STAC: variants seen among roughly 807,000 people sequenced by gnomAD.
The protein encoded by STAC is SH3 and cysteine-rich domain-containing protein.
In STAC, 43 loss-of-function variants were observed where a neutral mutation model predicts 48.8. The observed-to-expected ratio is 0.88, with a 90% CI of 0.69 to 1.14. The LOEUF is 1.14. Ranked by LOEUF, STAC falls within the 50% of genes most tolerant of loss-of-function variation. The pLI, the probability that STAC is intolerant of heterozygous loss-of-function variation, is 0.00. For missense variants in STAC, 497 were observed against 504.0 expected (o/e 0.99, Z 0.13); for synonymous variants, 193 against 179.5 (o/e 1.07, Z -0.60).
intron 2 of STAC, among the ~76,000 whole-genome samples, chr3:36,468,678 C>T (rs1353001042): frequency 7.0e-6 from 1 of 143,562 alleles, no homozygotes; most frequent in Non-Finnish European, 1.6e-5. Context: ...GTGATACTTT[C>T]CTGTTGGACT....
In STAC at chr3:36,483,097, G is replaced by A; in HGVS notation, c.489+5G>A. The A allele has an allele frequency of 1.2e-6, 2 of 1,611,352 alleles. No homozygotes were observed. The highest frequency in any genetic ancestry group is 1.7e-6 in the Non-Finnish European group (2 of 1,177,566). On this transcript the variant is annotated splice_donor_5th_base_variant and intron_variant, in intron 3 of 10. Coordinates refer to ENST00000273183, the MANE Select transcript of STAC (RefSeq NM_003149.3). ...CAGCGGTGCATGGGCAAGCTGGTAA[G>A]GGCTTGTGCCAGGAGTGAGGCCCAC...
chr3:36,515,347 G>A (rs1451885389), intron 8 of STAC, among the ~76,000 whole-genome samples: 1 of 152,116 alleles, frequency 6.6e-6, no homozygotes, highest in Non-Finnish European at 1.5e-5. Context: ...ACAGGTCTCA[G>A]TCAATTTAGA....
intron 1 of STAC, among the ~76,000 whole-genome samples, chr3:36,388,530 A>G (rs528526598): frequency 6.6e-6 from 1 of 151,874 alleles, no homozygotes; most frequent in African/African-American, 2.4e-5. Flanking sequence ...CTTCTTTTCA[A>G]TTATATTTAG....
At chr3:36,515,508 A>G (rs1395771443) in intron 8 of STAC, among the ~76,000 whole-genome samples, 1 of 152,122 alleles carries the variant, frequency 6.6e-6, no homozygotes, top group African/African-American at 2.4e-5. Flanking sequence ...GAAAGAAAAA[A>G]AGTGGGGAGG....
intron 6 of STAC, among the ~76,000 whole-genome samples, chr3:36,503,272 T>C (rs906781220): frequency 6.6e-6 from 1 of 152,236 alleles, no homozygotes; most frequent in African/African-American, 2.4e-5. Context: ...AAAATACATA[T>C]GATGAGAATG....
chr3:36,492,672 T>G (rs1698023498), intron 5 of STAC, among the ~76,000 whole-genome samples: 1 of 152,212 alleles, frequency 6.6e-6, no homozygotes, highest in Non-Finnish European at 1.5e-5. Context: ...GGATACATAT[T>G]ATAAAAACAA....
intron 1 of STAC, among the ~76,000 whole-genome samples, chr3:36,433,166 T>G (rs1466748686): frequency 6.6e-6 from 1 of 151,942 alleles, no homozygotes; most frequent in African/African-American, 2.4e-5. Flanking sequence ...GAAGTTAAAG[T>G]TAGGTGAACC....
intron 8 of STAC, among the ~76,000 whole-genome samples, chr3:36,523,753 G>A (rs1322183301): frequency 2.6e-5 from 4 of 152,204 alleles, no homozygotes; most frequent in South Asian, 2.1e-4. Flanking sequence ...CTAACCTGGG[G>A]AAAGGAGAAT....
At chr3:36,445,475 G>C (rs1696482160) in intron 2 of STAC, among the ~76,000 whole-genome samples, 1 of 152,114 alleles carries the variant, frequency 6.6e-6, no homozygotes, top group Non-Finnish European at 1.5e-5. Context: ...GAAGGGAAGG[G>C]GAGAGAAAGA....
rs377600849 is a variant in STAC, at chr3:36,546,508, G to A, written c.*219G>A. 1.8e-6 allele frequency: 1 copy of A among 566,570 alleles called. No homozygotes were observed. The highest frequency in any genetic ancestry group is 3.1e-6 in the Non-Finnish European group (1 of 318,214). 35.1% of individuals were successfully genotyped at this position (566,570 alleles called of 1,614,324 possible). On this transcript the variant is annotated 3_prime_UTR_variant, in exon 11 of 11. Transcript: ENST00000273183. ...GCCACAGGTGGGGACGAGGCTGAGA[G>A]AGTCAGCAGGCAGAGCCAGATGCCA...
intron 1 of STAC, among the ~76,000 whole-genome samples, chr3:36,416,574 A>G (rs1272483940): frequency 6.6e-6 from 1 of 152,120 alleles, no homozygotes; most frequent in Non-Finnish European, 1.5e-5. Context: ...GGCTCTTTAT[A>G]TCAAGTCTTG....
intron 8 of STAC, among the ~76,000 whole-genome samples, chr3:36,506,982 AG>A (rs1297904810): frequency 6.6e-5 from 10 of 152,140 alleles, no homozygotes; most frequent in Admixed American, 2.0e-4. Context: ...GTGGTGAGAG[AG>A]GGCATCCTTG....
At chr3:36,386,378 A>C (rs1030737728) in intron 1 of STAC, among the ~76,000 whole-genome samples, 2 of 150,950 alleles carry the variant, frequency 1.3e-5, no homozygotes, top group Admixed American at 6.6e-5. Flanking sequence ...TGAGAGAAAA[A>C]ATGTATTGCA....
chr3:36,431,761 A>C (rs770111717), intron 1 of STAC, among the ~76,000 whole-genome samples: 4 of 151,994 alleles, frequency 2.6e-5, no homozygotes, highest in Non-Finnish European at 4.4e-5. Context: ...CCACCCCAGA[A>C]TTTGTTTCCT....
chr3:36,421,207 T>G (rs111742843), intron 1 of STAC, among the ~76,000 whole-genome samples: 2 of 152,318 alleles, frequency 1.3e-5, no homozygotes, highest in African/African-American at 4.8e-5. Context: ...AATGAGTACA[T>G]TAACTACATT....
intron 4 of STAC, among the ~76,000 whole-genome samples, chr3:36,485,377 A>C (rs1456723069): frequency 6.6e-6 from 1 of 152,226 alleles, no homozygotes; most frequent in Non-Finnish European, 1.5e-5. Flanking sequence ...CTCTAAGCCC[A>C]GCTCCCTATT....
At chr3:36,437,344 C>A (rs984985528) in intron 1 of STAC, among the ~76,000 whole-genome samples, 14 of 151,674 alleles carry the variant, frequency 9.2e-5, no homozygotes, top group African/African-American at 3.4e-4. Context: ...TATTGCGGCA[C>A]TATTCACAAT....
chr3:36,493,172 C>T lies in STAC; in HGVS notation c.709C>T (p.Pro237Ser), dbSNP rs144504535. 128 of 1,613,290 alleles carry T rather than the reference C, an allele frequency of 7.9e-5. No individual in the cohort carries two copies. The highest frequency in any genetic ancestry group is 9.7e-5 in the Non-Finnish European group (115 of 1,179,578). Residue 237 changes from proline to serine, a missense_variant, in exon 6 of 11, where the codon CCT becomes TCT. By Grantham distance (74) the Pro-to-Ser change is moderately conservative. Transcript: ENST00000273183. Reference protein sequence around the residue: ...RTSTSDLVEVPEEANGPGGGY... With the variant: ...RTSTSDLVEVSEEANGPGGGY... ...CAAGACTTCAGATCTTGTGGAGGTT[C>T]CTGAGGAAGCCAATGGGCCAGGAGG...
chr3:36,457,447 T>C (rs954634195), intron 2 of STAC, among the ~76,000 whole-genome samples: 6 of 152,216 alleles, frequency 3.9e-5, no homozygotes, highest in Non-Finnish European at 8.8e-5. Flanking sequence ...AAAGCTATCT[T>C]TATGTGTGAA....
Sources: allele counts gnomAD v4.1 joint callset (sites outside exome capture counted in the v4.1 genomes callset), GRCh38; gene constraint gnomAD v4.1.1; transcripts MANE v1.5; gene names NCBI Gene and HGNC (gene_info 2026-07-23, HGNC 2026-07-21).